ESRRB: variants seen among roughly 807,000 people sequenced by gnomAD.
ESRRB encodes estrogen related receptor beta.
Under a neutral mutation model 46.0 loss-of-function variants are expected in ESRRB, and 16 were observed. The ratio of observed to expected loss-of-function variants is 0.35; its 90% CI spans 0.24 to 0.53. The LOEUF is 0.53. Ranked by LOEUF, ESRRB falls within the 20% of genes least tolerant of loss-of-function variation. ESRRB has a pLI of 0.93. For missense variants in ESRRB, 488 were observed against 607.4 expected, an observed-to-expected ratio of 0.80 and a Z score of 2.07; for synonymous variants, 246 against 259.6, an observed-to-expected ratio of 0.95 and a Z score of 0.50.
upstream of ESRRB, among the ~76,000 whole-genome samples, chr14:76,370,943 G>A (rs146738999): frequency 6.8e-4 from 103 of 152,286 alleles, no homozygotes; most frequent in African/African-American, 2.5e-3. Flanking sequence ...AAAGAAAAAC[G>A]AATGGAGCTT....
intron 2 of ESRRB, among the ~76,000 whole-genome samples, chr14:76,448,058 T>C (rs1888225900): frequency 6.6e-6 from 1 of 152,184 alleles, no homozygotes; most frequent in African/African-American, 2.4e-5. Context: ...TTTTATTCCA[T>C]GCTTTCAATT....
chr14:76,342,280 C>G (rs2139752070), intron 1 of ESRRB, among the ~76,000 whole-genome samples: 1 of 152,200 alleles, frequency 6.6e-6, no homozygotes. Flanking sequence ...AGCCTTCTCC[C>G]TCTGGCTCTC....
intron 1 of ESRRB, among the ~76,000 whole-genome samples, chr14:76,420,938 A>T (rs1475929489): frequency 2.0e-5 from 3 of 152,128 alleles, no homozygotes; most frequent in Non-Finnish European, 4.4e-5. Context: ...TGTCCCCTGC[A>T]GTGAGGTGTG....
At chr14:76,331,955 G>C (rs567164461) in intron 1 of ESRRB, among the ~76,000 whole-genome samples, 2 of 152,082 alleles carry the variant, frequency 1.3e-5, no homozygotes, top group African/African-American at 4.8e-5. Flanking sequence ...TGAGAACTTT[G>C]TGGCTTTGGT....
At chr14:76,327,577 C>T (rs1883950194) in intron 1 of ESRRB, among the ~76,000 whole-genome samples, 1 of 152,138 alleles carries the variant, frequency 6.6e-6, no homozygotes, top group Non-Finnish European at 1.5e-5. Context: ...CAAGGAAGTG[C>T]ATACTATAAT....
chr14:76,411,979 T>C (rs1461802803), intron 1 of ESRRB, among the ~76,000 whole-genome samples: 1 of 152,218 alleles, frequency 6.6e-6, no homozygotes, highest in Non-Finnish European at 1.5e-5. Flanking sequence ...GCTCAATAAA[T>C]ATGATTTCCC....
rs1050199403 is a variant in ESRRB at position 76,356,977 on chromosome 14, G to T, written c.2+46061G>T. Among the ~76,000 whole-genome samples, 4 of 152,316 alleles carry T rather than the reference G, an allele frequency of 2.6e-5. No individual in the cohort carries two copies. In the South Asian group the frequency reaches 8.3e-4, roughly 32 times the overall value. On this transcript the variant is annotated intron_variant, in intron 1 of 6. Transcript: ENST00000512784. The stretch of plus-strand genomic sequence containing the variant: ...CCTCTGAGGATCCTCAGGGAAGGTT[G>T]ACTCTCTCCCTGAACCCCCTCTCCT...
intron 2 of ESRRB, among the ~76,000 whole-genome samples, chr14:76,461,154 C>A (rs1888841694): frequency 3.3e-5 from 5 of 152,222 alleles, no homozygotes; most frequent in Admixed American, 3.3e-4. Context: ...CACAGCCTCT[C>A]CTGACTGGAC....
At chr14:76,319,571 C>T (rs1416487483) in intron 1 of ESRRB, among the ~76,000 whole-genome samples, 4 of 152,226 alleles carry the variant, frequency 2.6e-5, no homozygotes, top group Non-Finnish European at 4.4e-5. Flanking sequence ...ATTGAGAACA[C>T]ACTCATGTAA....
At chr14:76,370,021 C>G (rs771617563), upstream of ESRRB, among the ~76,000 whole-genome samples, 23 of 152,154 alleles carry the variant, frequency 1.5e-4, no homozygotes, top group Admixed American at 3.9e-4. Context: ...CCAAAGAGAA[C>G]TTTTTCTTCT....
At chr14:76,374,550 C>T (rs1481146193), upstream of ESRRB, among the ~76,000 whole-genome samples, 1 of 152,098 alleles carries the variant, frequency 6.6e-6, no homozygotes, top group Non-Finnish European at 1.5e-5. Context: ...TTTTACAAAT[C>T]GCTCCCTGGC....
Position 76,350,452 on chromosome 14 carries a change from G to A in ESRRB, c.2+39536G>A, listed in dbSNP as rs569546959. The stretch of plus-strand genomic sequence containing the variant: ...ATGTCAGCAAGCTGAAGGGGTTTGA[G>A]AAACACTTGCATGGCTGCCCAGGAG... On this transcript the variant is annotated intron_variant, in intron 1 of 6. Transcript: ENST00000512784. 1.1e-3 allele frequency among the ~76,000 whole-genome samples: 170 copies of A among 152,294 alleles called. 1 individual carries two copies. The highest frequency in any genetic ancestry group is 1.9e-3 in the Non-Finnish European group (131 of 68,032).
intron 1 of ESRRB, among the ~76,000 whole-genome samples, chr14:76,419,813 TG>T (rs1886863727): frequency 6.6e-6 from 1 of 152,156 alleles, no homozygotes; most frequent in Non-Finnish European, 1.5e-5. Flanking sequence ...GACTTGCACA[TG>T]GGCCATGAGA....
Position 76,482,174 on chromosome 14 carries a change from G to A in ESRRB, c.688+48G>A, listed in dbSNP as rs757186451. ...CCCCTTTTGCCAGCATCTGTACCTG[G>A]AACATCAGGCATCCCTTAGGGAAAC... On this transcript the variant is annotated intron_variant, in intron 4 of 6. Transcript: ENST00000644823. The surrounding 1 kb of genome is among the most constrained non-coding windows in gnomAD (Gnocchi z 4.3). 2.9e-6 allele frequency: 4 copies of A among 1,360,342 alleles called. No individual in the cohort carries two copies. Among genetic ancestry groups the A allele is most frequent in the Non-Finnish European group, 4.2e-6 (4 of 949,734 alleles). 84.3% of individuals were successfully genotyped at this position (1,360,342 alleles called of 1,614,324 possible). A position where few individuals can be genotyped will look rare whatever the true frequency, so the allele number is the denominator to read the frequency against.
At chr14:76,474,249 A>T (rs935760321) in intron 3 of ESRRB, among the ~76,000 whole-genome samples, 1 of 152,242 alleles carries the variant, frequency 6.6e-6, no homozygotes, top group African/African-American at 2.4e-5. Context: ...GCCAGACTCT[A>T]TGACCTTCAA....
At chr14:76,487,307 G>A (rs1420837227) in intron 5 of ESRRB, among the ~76,000 whole-genome samples, 1 of 152,164 alleles carries the variant, frequency 6.6e-6, no homozygotes, top group African/African-American at 2.4e-5. Context: ...AGGAAACCGA[G>A]GCACTGAGAG....
At position 76,376,395 on chromosome 14, in the gene ESRRB, G is replaced by A. The variant is rs1884767656; in HGVS notation, c.-7G>A. The A allele has an allele frequency of 4.9e-6, 6 of 1,231,670 alleles. No homozygotes were observed. Among genetic ancestry groups the A allele is most frequent in the Admixed American group, 4.2e-5 (1 of 23,708 alleles). 76.3% of individuals were successfully genotyped at this position (1,231,670 alleles called of 1,614,324 possible). ...CTCTACCAACTGGGAATGCTAAAAC[G>A]GGACTGATGGACGTGTCCGAACTCT... On this transcript the variant is annotated 5_prime_UTR_variant, in exon 1 of 7. Coordinates refer to ENST00000644823, the MANE Select transcript of ESRRB (RefSeq NM_001379180.1). The surrounding 1 kb of genome is among the most constrained non-coding windows in gnomAD (Gnocchi z 4.1).
chr14:76,453,991 G>A (rs748380099), intron 2 of ESRRB, among the ~76,000 whole-genome samples: 6 of 151,864 alleles, frequency 4.0e-5, no homozygotes, highest in Non-Finnish European at 2.9e-5. Context: ...CAAACCAGGC[G>A]ACTAAAAAAA....
intron 1 of ESRRB, among the ~76,000 whole-genome samples, chr14:76,313,907 C>T (rs1490073832): frequency 6.6e-6 from 1 of 152,174 alleles, no homozygotes; most frequent in African/African-American, 2.4e-5. Flanking sequence ...CTAATTCAAT[C>T]CTCAGCGGGT....
Sources: gnomAD v4.1 joint callset for allele counts (sites outside exome capture counted in the v4.1 genomes callset) on GRCh38, gnomAD v4.1.1 for gene constraint, Gnocchi (gnomAD v3.1) non-coding constraint, MANE v1.5 for transcripts, NCBI Gene and HGNC (gene_info 2026-07-23, HGNC 2026-07-21) for gene names.